Variants in SHROOM4 observed in about 807,000 individuals in gnomAD.
SHROOM4 encodes the protein protein Shroom4.
In SHROOM4, 17 loss-of-function variants were observed where a neutral mutation model predicts 80.3. That is an observed-to-expected ratio of 0.21 (90% confidence interval 0.14 to 0.32). The LOEUF is 0.32. Among genes scored for constraint, SHROOM4 ranks in the 10% least tolerant of loss-of-function variants. SHROOM4 has a pLI of 1.00. For synonymous variants in SHROOM4, 400 were observed against 437.5 expected (o/e 0.91, Z 1.07); for missense variants, 993 against 1,140.3 (o/e 0.87, Z 1.86).
intron 1 of SHROOM4, among the ~76,000 whole-genome samples, chrX:50,767,270 T>A (rs782035511): frequency 1.4e-4 from 16 of 111,997 alleles, no homozygotes; most frequent in Non-Finnish European, 2.8e-4. Flanking sequence ...AACTTAAATC[T>A]CCAATAATAG....
At chrX:50,733,167 G>A (rs190236117) in intron 1 of SHROOM4, among the ~76,000 whole-genome samples, 1 of 111,283 alleles carries the variant, frequency 9.0e-6, no homozygotes, top group East Asian at 2.8e-4. Flanking sequence ...AACAATCAAT[G>A]ACCACCTTAA....
chrX:50,794,615 T>TGC (rs1935920630), intron 1 of SHROOM4, among the ~76,000 whole-genome samples: 1 of 87,172 alleles, frequency 1.1e-5, no homozygotes, highest in Non-Finnish European at 2.3e-5. Context: ...CCCTCCATCA[T>TGC]TCTCTCTCTG....
downstream of SHROOM4, among the ~76,000 whole-genome samples, chrX:50,583,262 T>C (rs1456618053): frequency 9.1e-6 from 1 of 110,254 alleles, no homozygotes; most frequent in Non-Finnish European, 1.9e-5. Flanking sequence ...ATTCATTTCG[T>C]CCCCACCCTA....
intron 1 of SHROOM4, among the ~76,000 whole-genome samples, chrX:50,804,890 G>A (rs1181963594): frequency 9.0e-6 from 1 of 110,854 alleles, no homozygotes; most frequent in African/African-American, 3.3e-5. Flanking sequence ...ACTTTTGCTT[G>A]TTGTCTTGAT....
intron 2 of SHROOM4, among the ~76,000 whole-genome samples, chrX:50,662,543 T>C (rs1932545291): frequency 9.0e-6 from 1 of 111,186 alleles, no homozygotes; most frequent in Admixed American, 9.6e-5. Flanking sequence ...AACAAATTTC[T>C]AGAAAGTGCT....
At chrX:50,698,980 C>A (rs1238246763) in intron 1 of SHROOM4, among the ~76,000 whole-genome samples, 2 of 112,158 alleles carry the variant, frequency 1.8e-5, no homozygotes, top group Non-Finnish European at 3.8e-5. Flanking sequence ...AATTAACATA[C>A]CTTGTTTGAG....
intron 2 of SHROOM4, among the ~76,000 whole-genome samples, chrX:50,690,463 A>C (rs1214196395): frequency 4.5e-5 from 5 of 111,805 alleles, no homozygotes; most frequent in Non-Finnish European, 9.4e-5. Context: ...TTTAATAATA[A>C]AATATTTAAG....
chrX:50,671,079 A>G (rs1479464199), intron 2 of SHROOM4, among the ~76,000 whole-genome samples: 1 of 111,886 alleles, frequency 8.9e-6, no homozygotes, highest in African/African-American at 3.2e-5. Flanking sequence ...GATCAGGTGC[A>G]TTGTTAATGA....
intron 1 of SHROOM4, among the ~76,000 whole-genome samples, chrX:50,799,730 C>T (rs1936081097): frequency 8.9e-6 from 1 of 111,833 alleles, no homozygotes; most frequent in African/African-American, 3.3e-5. Context: ...AGTGTGTTCA[C>T]CCAAAGCTAC....
rs1557272551 is a variant in SHROOM4, at chrX:50,801,259, G to GA, written c.117+12642dup. 3.3e-4 allele frequency among the ~76,000 whole-genome samples: 14 copies of GA among 42,658 alleles called. No individual in the cohort carries two copies. In the East Asian group the frequency reaches 0.014, roughly 43 times the overall value. 37.0% of individuals were successfully genotyped at this position (42,658 alleles called of 115,157 possible). A position where few individuals can be genotyped will look rare whatever the true frequency, so the allele number is the denominator to read the frequency against. Reference sequence around the variant, plus strand: ...AGGGAGGGAAGGAGAGAGAGAGAAAGAGGAGAGAGAGAGAGAGAGAGAGAG... The same window carrying GA: ...AGGGAGGGAAGGAGAGAGAGAGAAAGAAGGAGAGAGAGAGAGAGAGAGAGAG... On this transcript the variant is annotated intron_variant, in intron 1 of 8. Coordinates refer to ENST00000376020, the MANE Select transcript of SHROOM4 (RefSeq NM_020717.5).
intron 2 of SHROOM4, among the ~76,000 whole-genome samples, chrX:50,657,387 C>A (rs782621938): frequency 5.4e-5 from 6 of 110,503 alleles, no homozygotes; most frequent in African/African-American, 2.0e-4. Flanking sequence ...TAGCTGTGGG[C>A]TTCTCATATA....
chrX:50,750,926 A>C (rs1292375670), intron 1 of SHROOM4, among the ~76,000 whole-genome samples: 1 of 112,236 alleles, frequency 8.9e-6, no homozygotes, highest in East Asian at 2.8e-4. Context: ...GATTTGACAA[A>C]ACATTAACGT....
chrX:50,610,849 CAT>C (rs1461198314), intron 5 of SHROOM4, among the ~76,000 whole-genome samples: 4 of 111,975 alleles, frequency 3.6e-5, no homozygotes, highest in Non-Finnish European at 7.5e-5. Context: ...CACCAAAAAA[CAT>C]AGCATAAAAA....
intron 1 of SHROOM4, among the ~76,000 whole-genome samples, chrX:50,729,513 C>T (rs181486007): frequency 5.4e-4 from 60 of 110,902 alleles, no homozygotes; most frequent in African/African-American, 1.8e-3. Context: ...CACCATTAAG[C>T]ACACAAACAT....
Position 50,634,918 on chromosome X carries a change from A to G in SHROOM4, c.1155T>C (p.Asn385=), listed in dbSNP as rs1557255500. ...CCTTAGCTAGCTCTGCAGAAGCCTC[A>G]TTGAGTGGGTTGGAATCCACGCTGG... ...RASSVDSNPL[N]EASAELAKAS... Residue 385 remains asparagine (N), a synonymous_variant, in exon 4 of 9, where the codon AAT becomes AAC. Coordinates refer to ENST00000376020, the MANE Select transcript of SHROOM4 (RefSeq NM_020717.5). 1 of 1,209,653 alleles carries G rather than the reference A, an allele frequency of 8.3e-7. No individual in the cohort carries two copies. Among genetic ancestry groups the G allele is most frequent in the South Asian group, 1.8e-5 (1 of 56,491 alleles).
At chrX:50,773,140 G>A (rs1935432396) in intron 1 of SHROOM4, among the ~76,000 whole-genome samples, 1 of 112,292 alleles carries the variant, frequency 8.9e-6, no homozygotes, top group Admixed American at 9.4e-5. Flanking sequence ...TATCTTATGA[G>A]TACTACTATT....
chrX:50,618,899 G>A (rs960804963), intron 5 of SHROOM4, among the ~76,000 whole-genome samples: 24 of 112,038 alleles, frequency 2.1e-4, no homozygotes, highest in African/African-American at 7.8e-4. Flanking sequence ...AGGGACTCCT[G>A]GGGTACAGCA....
chrX:50,775,704 A>G (rs1602504981), intron 1 of SHROOM4, among the ~76,000 whole-genome samples: 3 of 111,839 alleles, frequency 2.7e-5, no homozygotes, highest in African/African-American at 9.8e-5. Context: ...ATTTTTACAT[A>G]CTCATGTTAT....
At chrX:50,641,387 A>G (rs1931592163) in intron 2 of SHROOM4, among the ~76,000 whole-genome samples, 1 of 112,430 alleles carries the variant, frequency 8.9e-6, no homozygotes, top group African/African-American at 3.2e-5. Context: ...CTATCTGGCT[A>G]GGTGACTGTG....
Sources: allele counts gnomAD v4.1 joint callset (sites outside exome capture counted in the v4.1 genomes callset), GRCh38; gene constraint gnomAD v4.1.1; transcripts MANE v1.5; gene names NCBI Gene and HGNC (gene_info 2026-07-23, HGNC 2026-07-21).